The following OCA2 variants were observed in gnomAD, a reference collection of about 807,000 sequenced individuals.
OCA2 encodes the protein OCA2 melanosomal transmembrane protein, also known as P protein.
In OCA2, 77 loss-of-function variants were observed where a neutral mutation model predicts 100.2. The ratio of observed to expected loss-of-function variants is 0.77; its 90% CI spans 0.64 to 0.93. OCA2 has a LOEUF of 0.93. OCA2 is among the 40% of genes least tolerant of loss of function. The probability of loss-of-function intolerance (pLI) is 0.00; values close to 1 mark genes in which losing one functional copy is unlikely to be tolerated. For missense variants in OCA2, 1,062 were observed against 1,089.1 expected (o/e 0.98, Z 0.35); for synonymous variants, 432 against 439.2 (o/e 0.98, Z 0.21).
In OCA2 at chr15:27,755,149, T is replaced by C. The variant is rs1288821150; in HGVS notation, c.*239A>G. On this transcript the variant is annotated 3_prime_UTR_variant, in exon 24 of 24. Transcript: ENST00000354638. ...TTCTGGAGGGGAATCTTGAGTAAGT[T>C]ATCTCACATCTTTCTACATTTTGTC... The C allele has an allele frequency of 1.2e-5, 6 of 489,332 alleles. No individual in the cohort carries two copies. The East Asian group carries it at 1.5e-4, about 12-fold the overall frequency. The allele number at this position is 489,332 out of a possible 1,614,324, so 30.3% of individuals were successfully genotyped here. A position where few individuals can be genotyped will look rare whatever the true frequency, so the allele number is the denominator to read the frequency against.
intron 19 of OCA2, among the ~76,000 whole-genome samples, chr15:27,875,925 A>T (rs1209111368): frequency 6.6e-6 from 1 of 152,020 alleles, no homozygotes; most frequent in East Asian, 1.9e-4. Context: ...TTTGTAGACC[A>T]CTTGAGATTT....
chr15:28,083,756 G>A (rs7174263), intron 1 of OCA2, among the ~76,000 whole-genome samples: 3,256 of 152,204 alleles, frequency 0.021, 112 homozygotes, highest in African/African-American at 0.075. Flanking sequence ...AGAGACTATG[G>A]AAGAAAGGAG....
At chr15:27,975,149 CA>C (rs1338133970) in intron 14 of OCA2, among the ~76,000 whole-genome samples, 4 of 152,152 alleles carry the variant, frequency 2.6e-5, no homozygotes, top group African/African-American at 9.7e-5. Context: ...ACTGTAAGGG[CA>C]GGCTTAAAAT....
At chr15:27,831,303 A>AAAAAAC (rs1337827985) in intron 23 of OCA2, among the ~76,000 whole-genome samples, 3 of 150,960 alleles carry the variant, frequency 2.0e-5, no homozygotes, top group Admixed American at 6.6e-5. Context: ...AAAAAAAAAA[A>AAAAAAC]AAATCGGTCT....
intron 15 of OCA2, among the ~76,000 whole-genome samples, chr15:27,963,548 C>A (rs193012797): frequency 6.6e-6 from 1 of 151,838 alleles, no homozygotes; most frequent in Non-Finnish European, 1.5e-5. Flanking sequence ...TAAAAAGATG[C>A]ATTATAAGAT....
Position 27,910,768 on chromosome 15 carries a change from C to A in OCA2, c.2079+15359G>T, listed in dbSNP as rs574404873. Among the ~76,000 whole-genome samples, 86 of 151,376 alleles carry A rather than the reference C, an allele frequency of 5.7e-4. 1 individual carries two copies. Among genetic ancestry groups the A allele is most frequent in the African/African-American group, 1.9e-3 (79 of 41,264 alleles). ...GTCAGGAGTTCGAGACCAGCCTAAC[C>A]AATGCAGTGAAACCCCGCATCTACT... On this transcript the variant is annotated intron_variant, in intron 19 of 23. Coordinates refer to ENST00000354638, the MANE Select transcript of OCA2 (RefSeq NM_000275.3).
chr15:27,876,295 G>A (rs1228269120), intron 19 of OCA2, among the ~76,000 whole-genome samples: 1 of 151,954 alleles, frequency 6.6e-6, no homozygotes, highest in Non-Finnish European at 1.5e-5. Flanking sequence ...ATCAACCTTG[G>A]ATTTCTGGAA....
intron 19 of OCA2, among the ~76,000 whole-genome samples, chr15:27,878,133 A>T (rs1397476225): frequency 1.3e-5 from 2 of 151,848 alleles, no homozygotes; most frequent in African/African-American, 4.8e-5. Context: ...AGGTCACTTT[A>T]CCTCTCCCCT....
chr15:28,031,836 G>A (rs2042913866), intron 3 of OCA2, among the ~76,000 whole-genome samples: 1 of 152,184 alleles, frequency 6.6e-6, no homozygotes, highest in South Asian at 2.1e-4. Context: ...ATGCATGAGT[G>A]TGCGTGTGTG....
chr15:28,054,068 G>GT (rs1345681431), intron 2 of OCA2, among the ~76,000 whole-genome samples: 1 of 152,102 alleles, frequency 6.6e-6, no homozygotes, highest in African/African-American at 2.4e-5. Context: ...GTGGGCATGT[G>GT]TAAGTGCATA....
chr15:27,920,303 C>A (rs1002793570), intron 19 of OCA2, among the ~76,000 whole-genome samples: 2 of 151,660 alleles, frequency 1.3e-5, no homozygotes, highest in Non-Finnish European at 2.9e-5. Context: ...ACAACAACAA[C>A]AAAAAAAGAG....
intron 23 of OCA2, among the ~76,000 whole-genome samples, chr15:27,758,817 A>G (rs1365511387): frequency 6.6e-6 from 1 of 152,156 alleles, no homozygotes; most frequent in Non-Finnish European, 1.5e-5. Context: ...AACAAAAGGA[A>G]CCAACCCTCA....
At chr15:27,907,889 A>T (rs1180064472) in intron 19 of OCA2, among the ~76,000 whole-genome samples, 1 of 152,200 alleles carries the variant, frequency 6.6e-6, no homozygotes, top group Non-Finnish European at 1.5e-5. Flanking sequence ...CCCAAAAAAG[A>T]GCCAGGCCAA....
chr15:27,955,083 G>A (rs1051962937), intron 17 of OCA2, 75 bp downstream of exon 17: 31 of 1,037,112 alleles, frequency 3.0e-5, no homozygotes, highest in Non-Finnish European at 4.7e-5. Flanking sequence ...AGTCACGTGA[G>A]GGAAGGAAAA....
At chr15:27,903,683 C>T (rs1195892350) in intron 19 of OCA2, among the ~76,000 whole-genome samples, 1 of 152,178 alleles carries the variant, frequency 6.6e-6, no homozygotes, top group African/African-American at 2.4e-5. Context: ...GGCTTAGGTC[C>T]TTAGTGATGG....
chr15:27,798,115 A>G (rs2033427314), intron 23 of OCA2, among the ~76,000 whole-genome samples: 1 of 152,218 alleles, frequency 6.6e-6, no homozygotes, highest in Admixed American at 6.5e-5. Context: ...ATTTTGATTT[A>G]AATTATTTAT....
intron 23 of OCA2, among the ~76,000 whole-genome samples, chr15:27,803,405 GAAAA>G (rs897957377): frequency 6.6e-6 from 1 of 152,160 alleles, no homozygotes; most frequent in Non-Finnish European, 1.5e-5. Context: ...TAAAAAGAAA[GAAAA>G]TTCTCACACA....
chr15:27,868,938 T>A (rs1362923399), intron 21 of OCA2, among the ~76,000 whole-genome samples: 1 of 151,430 alleles, frequency 6.6e-6, no homozygotes, highest in Non-Finnish European at 1.5e-5. Flanking sequence ...GAGAAGGGAG[T>A]GAGGGAAAGT....
chr15:28,015,308 C>T (rs992763049), intron 8 of OCA2, among the ~76,000 whole-genome samples: 6 of 152,178 alleles, frequency 3.9e-5, no homozygotes, highest in Non-Finnish European at 8.8e-5. Context: ...AGTGGGGAGA[C>T]GCACTACAGA....
Sources: allele counts gnomAD v4.1 joint callset (sites outside exome capture counted in the v4.1 genomes callset), GRCh38; gene constraint gnomAD v4.1.1; transcripts MANE v1.5; gene names NCBI Gene and HGNC (gene_info 2026-07-23, HGNC 2026-07-21).